Variants in PSME4 observed in about 807,000 individuals in gnomAD.
The protein encoded by PSME4 is proteasome activator complex subunit 4.
In PSME4, 89 loss-of-function variants were observed where a neutral mutation model predicts 253.9. That is an observed-to-expected ratio of 0.35 (90% CI 0.30 to 0.42). PSME4 has a LOEUF of 0.42. PSME4 is among the 10% of genes least tolerant of loss of function. The pLI is 1.00. For missense variants in PSME4, 2,014 were observed against 2,195.2 expected (o/e 0.92, Z 1.65); for synonymous variants, 851 against 759.2 (o/e 1.12, Z -1.99).
At chr2:53,940,998 T>TATATATATATATATATATGA (rs1553338492) in intron 3 of PSME4, among the ~76,000 whole-genome samples, 1 of 85,908 alleles carries the variant, frequency 1.2e-5, no homozygotes, top group Non-Finnish European at 2.5e-5. Context: ...TATATATATA[T>TATATATATATATATATATGA]ATGAAAGGAG....
At chr2:53,891,371 C>T (rs1038424694) in intron 36 of PSME4, among the ~76,000 whole-genome samples, 1 of 152,132 alleles carries the variant, frequency 6.6e-6, no homozygotes, top group Non-Finnish European at 1.5e-5. Context: ...TGAGATCTTA[C>T]TTTCCTAAAA....
rs571365318 is a variant in PSME4, at chr2:53,864,229, A to G, written c.*1349T>C. On this transcript the variant is annotated 3_prime_UTR_variant, in exon 47 of 47. Transcript: ENST00000404125. ...GTATTCAGTCATTCAGCATGTAGAT[A>G]CTAAAAATATACTGTAGTGTTCCTT... 11 of 152,380 alleles carry G rather than the reference A, an allele frequency of 7.2e-5. No individual in the cohort carries two copies. The South Asian group carries it at 2.1e-3, about 29-fold the overall frequency. The allele number at this position is 152,380 out of a possible 1,614,324, so 9.4% of individuals were successfully genotyped here. A position where few individuals can be genotyped will look rare whatever the true frequency, so the allele number is the denominator to read the frequency against.
chr2:53,891,617 T>C (rs560134896), intron 36 of PSME4, among the ~76,000 whole-genome samples: 1 of 152,084 alleles, frequency 6.6e-6, no homozygotes, highest in Non-Finnish European at 1.5e-5. Flanking sequence ...TCCCAGCACT[T>C]TGGGAGGCCA....
At chr2:53,933,149 G>A (rs1319551323) in intron 8 of PSME4, 5 of 169,140 alleles carry the variant, frequency 3.0e-5, no homozygotes, top group African/African-American at 9.6e-5. Context: ...AGGCTGAGGC[G>A]GGCAGGTCAC....
chr2:53,900,840 C>T (rs1040671125), intron 28 of PSME4, among the ~76,000 whole-genome samples: 1 of 152,184 alleles, frequency 6.6e-6, no homozygotes, highest in Non-Finnish European at 1.5e-5. Context: ...TTCTTTTACT[C>T]ACCCCCATGT....
chr2:53,887,607 G>T lies in PSME4; in HGVS notation c.4521-140C>A, dbSNP rs1679699552. On this transcript the variant is annotated intron_variant, in intron 39 of 46. Coordinates refer to ENST00000404125, the MANE Select transcript of PSME4 (RefSeq NM_014614.3). ...TCTTAGATTATGCCTGTGTGTAAAA[G>T]AAGCCTTATAATTAAGGGGTATTAA... 5 of 917,230 alleles carry T rather than the reference G, an allele frequency of 5.5e-6. No homozygotes were observed. In the Admixed American group the frequency reaches 1.2e-4, roughly 21 times the overall value. 56.8% of individuals were successfully genotyped at this position (917,230 alleles called of 1,614,324 possible).
At chr2:53,919,120 T>A (rs772983896) in intron 20 of PSME4, 31 bp downstream of exon 20, 2 of 1,581,896 alleles carry the variant, frequency 1.3e-6, no homozygotes, top group Non-Finnish European at 1.7e-6. Context: ...TTAAAATATA[T>A]GTTAAGTGGA....
chr2:53,881,161 A>C (rs1679372904), intron 41 of PSME4, among the ~76,000 whole-genome samples: 1 of 152,216 alleles, frequency 6.6e-6, no homozygotes, highest in Non-Finnish European at 1.5e-5. Flanking sequence ...AATGCTGTTC[A>C]TTTAGTTAGC....
intron 41 of PSME4, among the ~76,000 whole-genome samples, chr2:53,879,153 A>T (rs1002554708): frequency 6.6e-6 from 1 of 152,232 alleles, no homozygotes; most frequent in African/African-American, 2.4e-5. Context: ...ATTTCCCCCA[A>T]TACTGGCAAT....
At chr2:53,889,384 C>A (rs1270858947) in intron 37 of PSME4, among the ~76,000 whole-genome samples, 1 of 151,880 alleles carries the variant, frequency 6.6e-6, no homozygotes, top group Non-Finnish European at 1.5e-5. Flanking sequence ...AATGTAAATG[C>A]TATGTAAATA....
intron 14 of PSME4, among the ~76,000 whole-genome samples, chr2:53,925,047 G>GT (rs112480603): frequency 6.6e-6 from 1 of 152,156 alleles, no homozygotes; most frequent in African/African-American, 2.4e-5. Context: ...CTAGCACAGT[G>GT]TTTTTTCCAT....
At chr2:53,902,093 A>G (rs1370416018) in intron 27 of PSME4, among the ~76,000 whole-genome samples, 1 of 152,204 alleles carries the variant, frequency 6.6e-6, no homozygotes, top group Non-Finnish European at 1.5e-5. Flanking sequence ...AATTGTTCAA[A>G]GAATGGCTAC....
chr2:53,935,104 C>T (rs1669041724), intron 7 of PSME4, among the ~76,000 whole-genome samples: 1 of 152,186 alleles, frequency 6.6e-6, no homozygotes, highest in Non-Finnish European at 1.5e-5. Context: ...GCTCCTATTC[C>T]ATGTCAAGCA....
chr2:53,936,733 G>A (rs767669465), intron 6 of PSME4, 31 bp downstream of exon 6: 7 of 1,456,408 alleles, frequency 4.8e-6, no homozygotes, highest in African/African-American at 1.5e-5. Context: ...AAAAACTATA[G>A]GGGGGAAGAA....
At chr2:53,965,094 C>G (rs1222006764) in intron 1 of PSME4, among the ~76,000 whole-genome samples, 1 of 152,038 alleles carries the variant, frequency 6.6e-6, no homozygotes, top group Non-Finnish European at 1.5e-5. Flanking sequence ...TAAACACACA[C>G]ACACACAGAC....
intron 44 of PSME4, among the ~76,000 whole-genome samples, chr2:53,867,794 G>GT (rs932961476): frequency 4.7e-4 from 70 of 148,284 alleles, no homozygotes; most frequent in African/African-American, 6.7e-4. Flanking sequence ...AATTAGCGTG[G>GT]TTTTTTTTTT....
intron 1 of PSME4, 107 bp downstream of exon 1, chr2:53,970,436 C>T: frequency 2.0e-6 from 3 of 1,506,190 alleles, no homozygotes; most frequent in Non-Finnish European, 2.7e-6. Context: ...ACAGCTCCAG[C>T]GAGGACAGAG....
chr2:53,888,849 A>G (rs771367501), intron 37 of PSME4, 37 bp from the exon 38 acceptor site: 51 of 1,446,428 alleles, frequency 3.5e-5, no homozygotes, highest in Middle Eastern at 1.7e-4. Context: ...TCAACAGAGA[A>G]CCTACAATTC....
chr2:53,908,628 G>A (rs555545819), intron 22 of PSME4, 63 bp from the exon 23 acceptor site: 2 of 1,519,882 alleles, frequency 1.3e-6, no homozygotes, highest in East Asian at 2.3e-5. Flanking sequence ...AGAATCTTGA[G>A]GCATTAGTCA....
Sources: gnomAD v4.1 joint callset for allele counts (sites outside exome capture counted in the v4.1 genomes callset) on GRCh38, gnomAD v4.1.1 for gene constraint, MANE v1.5 for transcripts, NCBI Gene and HGNC (gene_info 2026-07-23, HGNC 2026-07-21) for gene names.